The following MBNL1 variants were observed in gnomAD, a reference collection of about 807,000 sequenced individuals.
The protein encoded by MBNL1 is muscleblind-like protein 1.
A neutral mutation model predicts 42.2 loss-of-function variants in MBNL1; 8 were observed. The observed-to-expected ratio is 0.19, with a 90% confidence interval of 0.11 to 0.34. The LOEUF is 0.34. Ranked by LOEUF, MBNL1 falls within the 10% of genes least tolerant of loss-of-function variation. MBNL1 has a pLI of 1.00. For synonymous variants in MBNL1, 169 were observed against 173.9 expected (o/e 0.97, Z 0.22); for missense variants, 309 against 495.3 (o/e 0.62, Z 3.57).
intron 1 of MBNL1, among the ~76,000 whole-genome samples, chr3:152,287,488 G>T (rs185264815): frequency 7.9e-5 from 12 of 152,230 alleles, no homozygotes; most frequent in African/African-American, 2.2e-4. Flanking sequence ...TAATATTTTA[G>T]CCTTGATTGA....
chr3:152,280,876 T>G (rs948128061), intron 1 of MBNL1, among the ~76,000 whole-genome samples: 4 of 152,144 alleles, frequency 2.6e-5, no homozygotes, highest in African/African-American at 9.7e-5. Flanking sequence ...TTGCTTATTA[T>G]TATTCATTTT....
chr3:152,401,156 CT>C (rs2098200093), intron 2 of MBNL1, among the ~76,000 whole-genome samples: 1 of 152,184 alleles, frequency 6.6e-6, no homozygotes, highest in African/African-American at 2.4e-5. Flanking sequence ...CAGAAATGCC[CT>C]TCTGTCTCTT....
At chr3:152,326,125 A>G (rs115026090) in intron 2 of MBNL1, among the ~76,000 whole-genome samples, 157 of 152,214 alleles carry the variant, frequency 1.0e-3, no homozygotes, top group African/African-American at 3.5e-3. Context: ...ATTGACGACA[A>G]TTTTATTGTA....
intron 2 of MBNL1, among the ~76,000 whole-genome samples, chr3:152,325,191 G>A (rs542571997): frequency 6.8e-6 from 1 of 147,484 alleles, no homozygotes; most frequent in South Asian, 2.1e-4. Flanking sequence ...CCTTTTCCAT[G>A]TTTATATATG....
At chr3:152,246,043 C>T (rs2032916209) in intron 2 of MBNL1, among the ~76,000 whole-genome samples, 1 of 152,072 alleles carries the variant, frequency 6.6e-6, no homozygotes, top group African/African-American at 2.4e-5. Flanking sequence ...GTGATTGCAC[C>T]ACTACACTCC....
intron 3 of MBNL1, among the ~76,000 whole-genome samples, chr3:152,425,916 A>G (rs1165930315): frequency 2.0e-5 from 3 of 152,160 alleles, no homozygotes; most frequent in Non-Finnish European, 2.9e-5. Flanking sequence ...ATTGCAGCAC[A>G]ATTCACAATA....
chr3:152,432,664 C>A (rs1379277287), intron 3 of MBNL1, 53 bp from the exon 4 acceptor site: 37 of 1,484,922 alleles, frequency 2.5e-5, no homozygotes, highest in Non-Finnish European at 3.2e-5. Context: ...TTAAGAATAT[C>A]AACTTTGAGC....
Position 152,339,465 on chromosome 3 carries a change from C to T in MBNL1, c.174+39098C>T, listed in dbSNP as rs550271304. 1.5e-4 allele frequency among the ~76,000 whole-genome samples: 23 copies of T among 151,680 alleles called. 1 individual carries two copies. Among genetic ancestry groups the T allele is most frequent in the Admixed American group, 1.5e-3 (23 of 15,204 alleles). On this transcript the variant is annotated intron_variant, in intron 2 of 9. Coordinates refer to ENST00000324210, the MANE Select transcript of MBNL1 (RefSeq NM_021038.5). ...AGTTTGTGACAGCTGTTATTCAGTG[C>T]CCCCTTCCTTTTCTTTTTTTTCCCC...
At chr3:152,312,781 A>G (rs1207335247) in intron 2 of MBNL1, among the ~76,000 whole-genome samples, 1 of 152,160 alleles carries the variant, frequency 6.6e-6, no homozygotes. Flanking sequence ...CATTAGCTAT[A>G]GTGTAACTTT....
At position 152,268,983 on chromosome 3, in the gene MBNL1, G is replaced by A; in HGVS notation, c.-899G>A. The A allele has an allele frequency of 4.4e-6, 2 of 456,288 alleles. No homozygotes were observed. Among genetic ancestry groups the A allele is most frequent in the Non-Finnish European group, 8.8e-6 (2 of 226,954 alleles). The allele number at this position is 456,288 out of a possible 1,614,324, so 28.3% of individuals were successfully genotyped here. A position where few individuals can be genotyped will look rare whatever the true frequency, so the allele number is the denominator to read the frequency against. ...GGCGCCCACAATGCTCCCATGACAA[G>A]GAGCTGACAAGTTCCATTTTCCGTC... On this transcript the variant is annotated 5_prime_UTR_variant, in exon 1 of 10. Coordinates refer to ENST00000324210, the MANE Select transcript of MBNL1 (RefSeq NM_021038.5).
intron 3 of MBNL1, among the ~76,000 whole-genome samples, chr3:152,430,293 T>C (rs1580316832): frequency 6.6e-6 from 1 of 152,210 alleles, no homozygotes; most frequent in East Asian, 1.9e-4. Context: ...ATTTGACCTT[T>C]GCTTTTAAAT....
intron 3 of MBNL1, among the ~76,000 whole-genome samples, chr3:152,416,871 A>G (rs771862896): frequency 6.6e-6 from 1 of 152,244 alleles, no homozygotes; most frequent in Non-Finnish European, 1.5e-5. Context: ...CATGAGAACA[A>G]TCATCACATT....
At chr3:152,389,433 G>C (rs2097580590) in intron 2 of MBNL1, among the ~76,000 whole-genome samples, 1 of 152,058 alleles carries the variant, frequency 6.6e-6, no homozygotes, top group Admixed American at 6.6e-5. Flanking sequence ...TATGTTCTGA[G>C]GAATGCATTG....
intron 1 of MBNL1, 33 bp downstream of exon 1, chr3:152,269,125 G>C: frequency 2.2e-6 from 1 of 446,884 alleles, no homozygotes. Context: ...TCCCCGCGCC[G>C]CTTCATTGTT....
chr3:152,382,855 T>C (rs2153419109), intron 2 of MBNL1, among the ~76,000 whole-genome samples: 1 of 152,276 alleles, frequency 6.6e-6, no homozygotes, highest in Non-Finnish European at 1.5e-5. Context: ...ATTCTGGTTC[T>C]ATAATGCTAC....
intron 2 of MBNL1, among the ~76,000 whole-genome samples, chr3:152,311,468 C>T (rs1435431229): frequency 6.6e-6 from 1 of 152,042 alleles, no homozygotes. Flanking sequence ...CAGATGAAAC[C>T]ATTCACCACC....
At chr3:152,443,576 T>A (rs2099175440) in intron 4 of MBNL1, among the ~76,000 whole-genome samples, 1 of 151,712 alleles carries the variant, frequency 6.6e-6, no homozygotes, top group Admixed American at 6.6e-5. Flanking sequence ...TCACATACAA[T>A]AAATTTTGAT....
chr3:152,351,301 T>C (rs2094949621), intron 2 of MBNL1, among the ~76,000 whole-genome samples: 1 of 152,276 alleles, frequency 6.6e-6, no homozygotes, highest in East Asian at 1.9e-4. Flanking sequence ...GAGATTTCAT[T>C]ATGTCATTAT....
At chr3:152,325,377 A>AAG (rs2079121672) in intron 2 of MBNL1, among the ~76,000 whole-genome samples, 1 of 151,978 alleles carries the variant, frequency 6.6e-6, no homozygotes, top group South Asian at 2.1e-4. Flanking sequence ...TTAACCTCTT[A>AAG]GTAAGAAATG....
Sources: allele counts gnomAD v4.1 joint callset (sites outside exome capture counted in the v4.1 genomes callset), GRCh38; gene constraint gnomAD v4.1.1; transcripts MANE v1.5; gene names NCBI Gene and HGNC (gene_info 2026-07-23, HGNC 2026-07-21).